The following DICER1 variants were observed in gnomAD, a reference collection of about 807,000 sequenced individuals.
DICER1 encodes the protein endoribonuclease Dicer.
A neutral mutation model predicts 194.1 loss-of-function variants in DICER1; 43 were observed. The ratio of observed to expected loss-of-function variants is 0.22; its 90% confidence interval spans 0.17 to 0.29. The LOEUF is 0.29. DICER1 is among the 10% of genes least tolerant of loss of function. The probability of loss-of-function intolerance (pLI) is 1.00; values close to 1 mark genes in which losing one functional copy is unlikely to be tolerated. For missense variants in DICER1, 1,608 were observed against 2,317.0 expected (o/e 0.69, Z 6.28); for synonymous variants, 832 against 820.5 (o/e 1.01, Z -0.24).
intron 14 of DICER1, 26 bp from the exon 15 acceptor site, chr14:95,108,529 G>T: frequency 6.2e-7 from 1 of 1,605,452 alleles, no homozygotes; most frequent in Non-Finnish European, 8.5e-7. Flanking sequence ...AAAATTAAGC[G>T]TCATGCTCAA....
rs151021368 is a variant in DICER1, at chr14:95,095,108, T to C, written c.5095+717A>G. 3.6e-3 allele frequency among the ~76,000 whole-genome samples: 555 copies of C among 152,370 alleles called. 2 individuals are homozygous for C. The highest frequency in any genetic ancestry group is 6.1e-3 in the Non-Finnish European group (415 of 68,028). On this transcript the variant is annotated intron_variant, in intron 23 of 26. Transcript: ENST00000343455. ...ACCTTAACCTACGCTGCTTTTATTA[T>C]ATAAACTACAAACTTTATACTTTGC...
Position 95,132,503 on chromosome 14 carries a change from ATTT to A in DICER1, c.307+9_307+11del, listed in dbSNP as rs751519735. The stretch of plus-strand genomic sequence containing the variant: ...TTCCCCTGCACAACTTGATAAAATA[ATTT>A]TTTATTACCAGAGTTGACCAAGAAC... On this transcript the variant is annotated intron_variant, in intron 3 of 26. Transcript: ENST00000343455. The A allele has an allele frequency of 2.5e-6, 4 of 1,613,546 alleles. No homozygotes were observed. In the South Asian group the frequency reaches 3.3e-5, roughly 13 times the overall value.
In DICER1 at chr14:95,086,508, A is replaced by T. The variant is rs1300328889; in HGVS notation, c.*3990T>A. On this transcript the variant is annotated 3_prime_UTR_variant, in exon 27 of 27. Transcript: ENST00000343455. ...AAATTTACTTCCTGTTCACCTTTGC[A>T]TTTTTGCTATGTAACCTGCTGCTGC... 3 of 233,226 alleles carry T rather than the reference A, an allele frequency of 1.3e-5. No homozygotes were observed. The allele number at this position is 233,226 out of a possible 1,614,324, so 14.4% of individuals were successfully genotyped here.
intron 22 of DICER1, among the ~76,000 whole-genome samples, chr14:95,098,343 C>G (rs1447873352): frequency 6.6e-6 from 1 of 152,192 alleles, no homozygotes; most frequent in African/African-American, 2.4e-5. Flanking sequence ...TCCACTTAAG[C>G]CCATTTGCTG....
rs534879807 is a variant in DICER1, at chr14:95,138,000, C to T, written c.-45-4497G>A. The T allele has an allele frequency of 3.9e-5, 6 of 154,818 alleles. No individual in the cohort carries two copies. In the South Asian group the frequency reaches 1.0e-3, roughly 26 times the overall value. 9.6% of individuals were successfully genotyped at this position (154,818 alleles called of 1,614,324 possible). The stretch of plus-strand genomic sequence containing the variant: ...GCAGGGCAGGGAAGCTGGCCCAAGA[C>T]CAACAAAGACTCAATTCTATCTGGA... On this transcript the variant is annotated intron_variant, in intron 1 of 26. Coordinates refer to ENST00000343455, the MANE Select transcript of DICER1 (RefSeq NM_177438.3).
At chr14:95,152,632 G>C (rs1204477211) in intron 1 of DICER1, among the ~76,000 whole-genome samples, 1 of 152,208 alleles carries the variant, frequency 6.6e-6, no homozygotes, top group Non-Finnish European at 1.5e-5. Flanking sequence ...TCTAGTAACA[G>C]TCTTACTGAC....
chr14:95,153,424 A>G (rs1348754629), intron 1 of DICER1, among the ~76,000 whole-genome samples: 2 of 152,212 alleles, frequency 1.3e-5, no homozygotes, highest in African/African-American at 4.8e-5. Flanking sequence ...AAGCTTTTCT[A>G]TTATGCCTGA....
At position 95,124,485 on chromosome 14, in the gene DICER1, A is replaced by C. The variant is rs762290893; in HGVS notation, c.1087T>G (p.Phe363Val). The part of the protein sequence containing the change: ...RKIHALCEEH[F>V]SPASLDLKFV... The stretch of plus-strand genomic sequence containing the variant: ...TTCAGGTCAAGTGAGGCAGGTGAGA[A>C]GTGCTCTTCACATAGTGCATGTATT... Residue 363 changes from phenylalanine to valine, a missense_variant, in exon 8 of 27, where the codon TTC becomes GTC. Phe to Val is a conservative substitution (Grantham distance 50, BLOSUM62 -1). This residue lies in a region of DICER1 where 657 missense variants were observed against 910.1 expected (regional missense o/e 0.72). Transcript: ENST00000343455. The surrounding 1 kb of genome is among the most constrained non-coding windows in gnomAD (Gnocchi z 4.5). The C allele has an allele frequency of 1.2e-6, 2 of 1,614,166 alleles. No individual in the cohort carries two copies. The highest frequency in any genetic ancestry group is 2.2e-5 in the East Asian group (1 of 44,884).
At chr14:95,129,446 A>C (rs771316156) in intron 6 of DICER1, 26 bp downstream of exon 6, 1 of 1,610,520 alleles carries the variant, frequency 6.2e-7, no homozygotes, top group Admixed American at 1.7e-5. Context: ...AATCTCATTA[A>C]AGCTGAGTCA....
chr14:95,146,168 TTAAA>T (rs1895121119), intron 1 of DICER1, among the ~76,000 whole-genome samples: 1 of 152,202 alleles, frequency 6.6e-6, no homozygotes, highest in African/African-American at 2.4e-5. Flanking sequence ...CAAAGACAGT[TTAAA>T]GCCTGAAGGT....
Position 95,096,657 on chromosome 14 carries a change from A to G in DICER1, c.4263T>C (p.Asp1421=). The G allele has an allele frequency of 6.2e-7, 1 of 1,612,374 alleles. No homozygotes were observed. The highest frequency in any genetic ancestry group is 1.7e-4 in the Middle Eastern group (1 of 6,058). Residue 1421 remains aspartate (D), a synonymous_variant, in exon 23 of 27, where the codon GAT becomes GAC. Coordinates refer to ENST00000343455, the MANE Select transcript of DICER1 (RefSeq NM_177438.3). ...GKLDEDYEEE[D]EEEESLMWRA... ...TCCACATCAGGCTCTCCTCCTCCTC[A>G]TCCTCCTCCTCGTAATCCTCATCCA... is the stretch of plus-strand genomic sequence containing the variant.
At position 95,131,585 on chromosome 14, in the gene DICER1, A is replaced by G. The variant is rs1893954828; in HGVS notation, c.362T>C (p.Val121Ala). 1.2e-6 allele frequency: 2 copies of G among 1,613,464 alleles called. No individual in the cohort carries two copies. Among genetic ancestry groups the G allele is most frequent in the Non-Finnish European group, 8.5e-7 (1 of 1,179,454 alleles). ...TACTTCTAGGTTTGAGTATTCCCCAACCTTGAGATCTGAATGAGTTCTGAC... is the reference window on the plus strand; with the variant it reads ...TACTTCTAGGTTTGAGTATTCCCCAGCCTTGAGATCTGAATGAGTTCTGAC... ...SAVRTHSDLK[V>A]GEYSNLEVNA... Residue 121 changes from valine (V) to alanine (A), a missense_variant, in exon 4 of 27, where the codon GTT becomes GCT. Around this residue, in one of 10 missense-constraint regions of DICER1, gnomAD observed 657 missense variants for 910.1 expected, o/e 0.72. Transcript: ENST00000343455.
chr14:95,142,346 T>C (rs937362077), intron 1 of DICER1, among the ~76,000 whole-genome samples: 3 of 152,204 alleles, frequency 2.0e-5, no homozygotes, highest in Non-Finnish European at 4.4e-5. Flanking sequence ...CAGCCAAATT[T>C]GTGTTTTCTA....
intron 6 of DICER1, among the ~76,000 whole-genome samples, chr14:95,127,477 G>T (rs1222317236): frequency 1.3e-5 from 2 of 151,384 alleles, no homozygotes; most frequent in Admixed American, 1.3e-4. Context: ...GAAGTATCTT[G>T]AGGATGGGAC....
chr14:95,086,461 C>T lies in DICER1; in HGVS notation c.*4037G>A, dbSNP rs1422230500. 3 of 233,200 alleles carry T rather than the reference C, an allele frequency of 1.3e-5. No homozygotes were observed. The highest frequency in any genetic ancestry group is 5.6e-5 in the Admixed American group (1 of 17,780). The allele number at this position is 233,200 out of a possible 1,614,324, so 14.4% of individuals were successfully genotyped here. ...ACTTGATTTTAGTAATTTTCCTTCA[C>T]TATTTACAGCAGAAAAGCCAGAAAT... On this transcript the variant is annotated 3_prime_UTR_variant, in exon 27 of 27. Transcript: ENST00000343455.
chr14:95,130,615 T>G (rs1893871478), intron 4 of DICER1, among the ~76,000 whole-genome samples: 1 of 152,178 alleles, frequency 6.6e-6, no homozygotes, highest in Non-Finnish European at 1.5e-5. Flanking sequence ...ATGTGGATAT[T>G]TAAGTGCTTT....
rs1436219024 is a variant in DICER1 at position 95,088,328 on chromosome 14, A to G, written c.*2170T>C. 1 of 232,036 alleles carries G rather than the reference A, an allele frequency of 4.3e-6. No homozygotes were observed. The highest frequency in any genetic ancestry group is 8.5e-6 in the Non-Finnish European group (1 of 117,164). 14.4% of individuals were successfully genotyped at this position (232,036 alleles called of 1,614,324 possible). On this transcript the variant is annotated 3_prime_UTR_variant, in exon 27 of 27. Coordinates refer to ENST00000343455, the MANE Select transcript of DICER1 (RefSeq NM_177438.3). ...GAATCATAACTGTGAAAACAATCTG[A>G]TTTTGGTGCCAGGAATCAAGAGAAT...
At chr14:95,108,204 C>T (rs868617037) in intron 15 of DICER1, 111 bp from the exon 16 acceptor site, 9 of 1,297,884 alleles carry the variant, frequency 6.9e-6, no homozygotes, top group Middle Eastern at 1.9e-4. Flanking sequence ...AGAAGAGGCA[C>T]CTCGATCTTT....
At chr14:95,104,520 T>C (rs190172649) in intron 20 of DICER1, among the ~76,000 whole-genome samples, 1 of 152,332 alleles carries the variant, frequency 6.6e-6, no homozygotes, top group African/African-American at 2.4e-5. Context: ...TCCTATCTCA[T>C]AGCACTGTCT....
Sources: allele counts gnomAD v4.1 joint callset (sites outside exome capture counted in the v4.1 genomes callset), GRCh38; gene constraint gnomAD v4.1.1; regional missense constraint gnomAD v4.1.1; non-coding constraint Gnocchi (gnomAD v3.1); transcripts MANE v1.5; gene names NCBI Gene and HGNC (gene_info 2026-07-23, HGNC 2026-07-21).